Variants in HMG20A observed in about 807,000 individuals in gnomAD.
HMG20A encodes high mobility group protein 20A.
HMG20A carries 17 observed loss-of-function variants against 43.9 expected under a neutral mutation model. The ratio of observed to expected loss-of-function variants is 0.39; its 90% confidence interval spans 0.27 to 0.58. HMG20A has a LOEUF of 0.58. Ranked by LOEUF, HMG20A falls within the 20% of genes least tolerant of loss-of-function variation. HMG20A has a pLI of 0.59. For missense variants in HMG20A, 341 were observed against 438.2 expected, an observed-to-expected ratio of 0.78 and a Z score of 1.98; for synonymous variants, 132 against 147.5, an observed-to-expected ratio of 0.89 and a Z score of 0.76.
chr15:77,479,171 CA>C lies in HMG20A; in HGVS notation c.908-7del. The C allele has an allele frequency of 6.2e-7, 1 of 1,612,930 alleles. No homozygotes were observed. The highest frequency in any genetic ancestry group is 8.5e-7 in the Non-Finnish European group (1 of 1,179,002). On this transcript the variant is annotated splice_region_variant and splice_polypyrimidine_tract_variant and intron_variant, in intron 8 of 9. Transcript: ENST00000336216. ...GGATTTTCTTACTTTCTTCTTATCT[CA>C]CTTCAGGAAGTGGAGAGACACCTAC...
intron 1 of HMG20A, among the ~76,000 whole-genome samples, chr15:77,439,492 ATATT>A (rs906181372): frequency 2.0e-5 from 3 of 152,088 alleles, no homozygotes; most frequent in Admixed American, 1.3e-4. Context: ...TATTCATAGA[ATATT>A]TATTCTCGTG....
chr15:77,499,760 G>A, the HMG20A span, among the ~76,000 whole-genome samples: 1 of 151,956 alleles, frequency 6.6e-6, no homozygotes, highest in African/African-American at 2.4e-5. Flanking sequence ...CCCTCCACCA[G>A]TTCGTCCTGC....
intron 1 of HMG20A, among the ~76,000 whole-genome samples, chr15:77,445,088 T>C (rs1302703231): frequency 6.6e-6 from 1 of 152,260 alleles, no homozygotes; most frequent in Non-Finnish European, 1.5e-5. Flanking sequence ...TTCCATTTAT[T>C]ACACTATAGT....
At chr15:77,456,634 C>CAAAAAAAAAAAAA in intron 1 of HMG20A, among the ~76,000 whole-genome samples, 1 of 95,386 alleles carries the variant, frequency 1.0e-5, no homozygotes, top group Non-Finnish European at 2.1e-5. Context: ...GCGAGACTGT[C>CAAAAAAAAAAAAA]AAAAAAAAAA....
chr15:77,472,457 G>A (rs748099629), intron 6 of HMG20A, among the ~76,000 whole-genome samples: 41 of 152,126 alleles, frequency 2.7e-4, no homozygotes, highest in Non-Finnish European at 8.8e-5. Context: ...TGTATTTTTA[G>A]TAGAGACAGG....
chr15:77,514,955 A>G, the HMG20A span, among the ~76,000 whole-genome samples: 2 of 152,162 alleles, frequency 1.3e-5, no homozygotes, highest in African/African-American at 4.8e-5. Flanking sequence ...GGGGCAAGGG[A>G]TATACAAGGA....
chr15:77,501,044 C>T, the HMG20A span, among the ~76,000 whole-genome samples: 1 of 152,156 alleles, frequency 6.6e-6, no homozygotes, highest in Non-Finnish European at 1.5e-5. Flanking sequence ...CTTGCCAGCA[C>T]CACTTGTTAC....
intron 1 of HMG20A, among the ~76,000 whole-genome samples, chr15:77,456,169 A>G (rs770592664): frequency 2.0e-5 from 3 of 152,190 alleles, no homozygotes; most frequent in Non-Finnish European, 1.5e-5. Flanking sequence ...TGTTAAGGTT[A>G]TGTTATCCAG....
chr15:77,453,206 G>T (rs895578948), intron 1 of HMG20A, among the ~76,000 whole-genome samples: 9 of 152,042 alleles, frequency 5.9e-5, no homozygotes, highest in African/African-American at 2.2e-4. Context: ...ACTCCAGCAT[G>T]GACAACAGAA....
At chr15:77,515,209 C>T in the HMG20A span, among the ~76,000 whole-genome samples, 1 of 152,020 alleles carries the variant, frequency 6.6e-6, no homozygotes, top group African/African-American at 2.4e-5. Context: ...GGGGAGTGGC[C>T]AGTGGGTACA....
At chr15:77,499,800 T>C in the HMG20A span, among the ~76,000 whole-genome samples, 255 of 152,232 alleles carry the variant, frequency 1.7e-3, 1 homozygote, top group Non-Finnish European at 2.8e-3. Flanking sequence ...TTTTCTAAAA[T>C]GCAAGATTAG....
At chr15:77,478,068 G>A in intron 7 of HMG20A, 1 of 570,956 alleles carries the variant, frequency 1.8e-6, no homozygotes, top group Non-Finnish European at 3.1e-6. Flanking sequence ...ACTGTTTGTT[G>A]CAATCTTATG....
the HMG20A span, among the ~76,000 whole-genome samples, chr15:77,511,705 A>G: frequency 1.3e-5 from 2 of 152,214 alleles, no homozygotes; most frequent in African/African-American, 4.8e-5. Flanking sequence ...GCAAACCCAT[A>G]ATGAGATGCC....
chr15:77,475,009 G>GTGTC (rs1482284990), intron 6 of HMG20A, among the ~76,000 whole-genome samples: 1 of 152,188 alleles, frequency 6.6e-6, no homozygotes, highest in African/African-American at 2.4e-5. Flanking sequence ...TCTCAAGAAA[G>GTGTC]TGTCTATATC....
intron 1 of HMG20A, among the ~76,000 whole-genome samples, chr15:77,425,876 CATTA>C (rs1188138649): frequency 6.6e-6 from 1 of 152,064 alleles, no homozygotes. Flanking sequence ...CTCAAATGTC[CATTA>C]ATTATTGGAT....
the HMG20A span, among the ~76,000 whole-genome samples, chr15:77,518,717 G>A: frequency 6.6e-6 from 1 of 152,128 alleles, no homozygotes; most frequent in Admixed American, 6.5e-5. Context: ...GAGTGAATAA[G>A]GGACTGGGCT....
the HMG20A span, among the ~76,000 whole-genome samples, chr15:77,508,828 G>A: frequency 5.9e-5 from 9 of 152,224 alleles, no homozygotes; most frequent in Non-Finnish European, 1.3e-4. Flanking sequence ...CTTATTCTGT[G>A]GTTTAGGACT....
At chr15:77,467,971 T>G (rs891652888) in intron 4 of HMG20A, among the ~76,000 whole-genome samples, 3 of 152,268 alleles carry the variant, frequency 2.0e-5, no homozygotes, top group Non-Finnish European at 2.9e-5. Context: ...TCCCAGCATC[T>G]GAAAGATATC....
At chr15:77,443,729 AGG>A (rs2073642014) in intron 1 of HMG20A, among the ~76,000 whole-genome samples, 1 of 151,632 alleles carries the variant, frequency 6.6e-6, no homozygotes, top group South Asian at 2.1e-4. Context: ...TTATTACGAC[AGG>A]GTCTCACTGT....
Sources: gnomAD v4.1 joint callset for allele counts (sites outside exome capture counted in the v4.1 genomes callset) on GRCh38, gnomAD v4.1.1 for gene constraint, MANE v1.5 for transcripts, NCBI Gene and HGNC (gene_info 2026-07-23, HGNC 2026-07-21) for gene names.